CAST: variants seen among roughly 807,000 people sequenced by gnomAD.
The protein encoded by CAST is calpastatin.
In CAST, 76 loss-of-function variants were observed where a neutral mutation model predicts 119.6. The ratio of observed to expected loss-of-function variants is 0.64; its 90% CI spans 0.53 to 0.77. The LOEUF (loss-of-function observed/expected upper bound fraction) is 0.77. Among genes scored for constraint, CAST ranks in the 30% least tolerant of loss-of-function variants. The pLI, the probability that CAST is intolerant of heterozygous loss-of-function variation, is 0.00. For missense variants in CAST, 953 were observed against 946.5 expected (o/e 1.01, Z -0.09); for synonymous variants, 319 against 331.6 (o/e 0.96, Z 0.41).
chr5:96,412,182 G>C, the CAST span: 1 of 831,176 alleles, frequency 1.2e-6, no homozygotes, highest in Non-Finnish European at 2.0e-6. Flanking sequence ...GGCCCTCTAA[G>C]TGCATTTAAA....
intron 2 of CAST, among the ~76,000 whole-genome samples, chr5:96,677,155 A>C (rs1408258437): frequency 6.6e-6 from 1 of 152,172 alleles, no homozygotes. Context: ...TATTGAGCAA[A>C]TATTGAACAC....
intron 1 of CAST, among the ~76,000 whole-genome samples, chr5:96,606,428 A>G (rs1747256275): frequency 6.6e-6 from 1 of 152,226 alleles, no homozygotes; most frequent in Admixed American, 6.5e-5. Context: ...TAAAATGCAT[A>G]GTGTACTCAG....
the CAST span, among the ~76,000 whole-genome samples, chr5:96,446,794 C>T: frequency 6.6e-6 from 1 of 152,106 alleles, no homozygotes; most frequent in Non-Finnish European, 1.5e-5. Context: ...ATCCTAGAGA[C>T]TGGATAAATG....
At chr5:96,398,875 T>C in the CAST span, 1 of 1,612,060 alleles carries the variant, frequency 6.2e-7, no homozygotes. Flanking sequence ...CTTTTTTAAT[T>C]TACCAGCAGC....
At chr5:96,177,812 CT>C in the CAST span, among the ~76,000 whole-genome samples, 4 of 152,216 alleles carry the variant, frequency 2.6e-5, no homozygotes, top group Non-Finnish European at 4.4e-5. Flanking sequence ...CGAGCTGCTT[CT>C]GGTTCTGCAA....
At chr5:96,713,693 G>C (rs1756648680) in intron 3 of CAST, among the ~76,000 whole-genome samples, 1 of 152,114 alleles carries the variant, frequency 6.6e-6, no homozygotes, top group African/African-American at 2.4e-5. Context: ...TAGTGCTCAG[G>C]CTGGGCATGG....
chr5:96,680,354 CAAAAAAA>C (rs71617135), intron 2 of CAST, among the ~76,000 whole-genome samples: 9 of 29,276 alleles, frequency 3.1e-4, no homozygotes, highest in Non-Finnish European at 4.2e-4. Flanking sequence ...GACTCTGTCT[CAAAAAAA>C]AAAAAAAAAA....
intron 1 of CAST, among the ~76,000 whole-genome samples, chr5:96,602,257 C>T (rs1337056205): frequency 6.6e-6 from 1 of 151,578 alleles, no homozygotes; most frequent in Non-Finnish European, 1.5e-5. Context: ...AACAATAATT[C>T]CATGCAGTGA....
chr5:96,303,328 C>T, the CAST span, among the ~76,000 whole-genome samples: 12 of 152,254 alleles, frequency 7.9e-5, no homozygotes, highest in East Asian at 1.9e-4. Flanking sequence ...CATGAAATTT[C>T]GACAGGGACA....
At chr5:95,963,815 C>T in the CAST span, among the ~76,000 whole-genome samples, 8 of 149,690 alleles carry the variant, frequency 5.3e-5, no homozygotes, top group Middle Eastern at 3.5e-3. Flanking sequence ...GAGGTTTGAC[C>T]GGAACAAGTA....
the CAST span, among the ~76,000 whole-genome samples, chr5:96,186,051 T>C: frequency 1.3e-5 from 2 of 152,124 alleles, no homozygotes; most frequent in Non-Finnish European, 2.9e-5. Flanking sequence ...AGTTATCCTT[T>C]AAAAGGTCCT....
intron 1 of CAST, among the ~76,000 whole-genome samples, chr5:96,655,151 CA>C (rs1338166038): frequency 6.6e-6 from 1 of 152,046 alleles, no homozygotes; most frequent in East Asian, 1.9e-4. Flanking sequence ...CAGAAAAGGA[CA>C]AAAAAGATGT....
chr5:96,185,255 G>C, the CAST span, among the ~76,000 whole-genome samples: 1 of 152,008 alleles, frequency 6.6e-6, no homozygotes, highest in African/African-American at 2.4e-5. Context: ...TTAGACCTTC[G>C]TCAGATGAAT....
chr5:96,770,457 A>AT, intron 29 of CAST, 74 bp from the exon 30 acceptor site: 1 of 909,180 alleles, frequency 1.1e-6, no homozygotes, highest in Non-Finnish European at 1.8e-6. Context: ...GTCTGGATTA[A>AT]TTTAACTGCA....
the CAST span, among the ~76,000 whole-genome samples, chr5:96,053,109 C>T: frequency 1.3e-5 from 2 of 152,248 alleles, no homozygotes; most frequent in South Asian, 2.1e-4. Context: ...GAAGACAGCA[C>T]CAACTTTAAG....
chr5:96,307,550 T>C, the CAST span, among the ~76,000 whole-genome samples: 4 of 152,244 alleles, frequency 2.6e-5, no homozygotes, highest in Admixed American at 6.5e-5. Context: ...ATAGTGTCTA[T>C]GGTCTTTACA....
At chr5:95,990,715 T>C in the CAST span, among the ~76,000 whole-genome samples, 416 of 152,248 alleles carry the variant, frequency 2.7e-3, 4 homozygotes, top group African/African-American at 9.6e-3. Context: ...ATATTTTACA[T>C]AGTATCATTT....
intron 12 of CAST, 54 bp from the exon 13 acceptor site, chr5:96,740,691 A>G (rs1467377213): frequency 7.4e-7 from 1 of 1,344,058 alleles, no homozygotes; most frequent in Non-Finnish European, 1.1e-6. Context: ...CATTTTGCCG[A>G]TCTTAAGGAT....
intron 1 of CAST, among the ~76,000 whole-genome samples, chr5:96,610,431 T>G (rs1747337202): frequency 6.6e-6 from 1 of 152,212 alleles, no homozygotes; most frequent in Admixed American, 6.5e-5. Flanking sequence ...TATGATTATC[T>G]CAATAGATAC....
Sources: allele counts gnomAD v4.1 joint callset (sites outside exome capture counted in the v4.1 genomes callset), GRCh38; gene constraint gnomAD v4.1.1; transcripts MANE v1.5; gene names NCBI Gene and HGNC (gene_info 2026-07-23, HGNC 2026-07-21).